Variants in COL13A1 observed in about 807,000 individuals in gnomAD.
COL13A1 encodes collagen type XIII alpha 1 chain.
COL13A1 carries 89 observed loss-of-function variants against 130.9 expected under a neutral mutation model. The observed-to-expected ratio is 0.68, with a 90% confidence interval of 0.57 to 0.81. The LOEUF is 0.81. Ranked by LOEUF, COL13A1 falls within the 30% of genes least tolerant of loss-of-function variation. The probability of loss-of-function intolerance (pLI) is 0.00; values close to 1 mark genes in which losing one functional copy is unlikely to be tolerated. For missense variants in COL13A1, 879 were observed against 934.6 expected (o/e 0.94, Z 0.78); for synonymous variants, 402 against 341.6 (o/e 1.18, Z -1.95).
intron 2 of COL13A1, among the ~76,000 whole-genome samples, chr10:69,830,804 C>T (rs1240973038): frequency 6.6e-6 from 1 of 152,158 alleles, no homozygotes; most frequent in Non-Finnish European, 1.5e-5. Flanking sequence ...TTCTTACATT[C>T]ACAGAGTTGT....
intron 7 of COL13A1, among the ~76,000 whole-genome samples, chr10:69,886,755 T>C (rs1208161802): frequency 1.3e-5 from 2 of 152,172 alleles, no homozygotes; most frequent in African/African-American, 2.4e-5. Flanking sequence ...TCACATCCCC[T>C]TTGTCCTGAA....
Position 69,904,923 on chromosome 10 carries a change from G to A in COL13A1, c.859-10G>A. 1 of 863,748 alleles carries A rather than the reference G, an allele frequency of 1.2e-6. No individual in the cohort carries two copies. 53.5% of individuals were successfully genotyped at this position (863,748 alleles called of 1,614,324 possible). ...CTTTTTTCTTTTTTTTTTTTTTTTT[G>A]CTTCCACAGGGCTTACCTGGGCCTC... On this transcript the variant is annotated splice_polypyrimidine_tract_variant and intron_variant, in intron 15 of 40. Coordinates refer to ENST00000645393, the MANE Select transcript of COL13A1 (RefSeq NM_001368882.1).
intron 17 of COL13A1, among the ~76,000 whole-genome samples, chr10:69,916,350 A>G (rs536467265): frequency 6.6e-6 from 1 of 152,320 alleles, no homozygotes; most frequent in Admixed American, 6.5e-5. Flanking sequence ...GGCTGGCTGC[A>G]GTCACCTGTT....
chr10:69,825,226 T>C (rs942666905), intron 2 of COL13A1, among the ~76,000 whole-genome samples: 10 of 152,242 alleles, frequency 6.6e-5, no homozygotes, highest in African/African-American at 2.4e-4. Context: ...CTGGAATGTC[T>C]GAACATCCTC....
At chr10:69,849,500 A>T (rs1286078920) in intron 2 of COL13A1, among the ~76,000 whole-genome samples, 1 of 151,714 alleles carries the variant, frequency 6.6e-6, no homozygotes, top group African/African-American at 2.4e-5. Context: ...GCACGTTTTT[A>T]TTTTTATTTA....
intron 32 of COL13A1, among the ~76,000 whole-genome samples, chr10:69,935,729 GCA>G (rs1211056538): frequency 6.6e-6 from 1 of 152,146 alleles, no homozygotes; most frequent in East Asian, 1.9e-4. Context: ...CACCGGTCTG[GCA>G]CAGTGGCTCA....
chr10:69,849,099 G>A (rs1853972980), intron 2 of COL13A1, among the ~76,000 whole-genome samples: 1 of 152,228 alleles, frequency 6.6e-6, no homozygotes, highest in Non-Finnish European at 1.5e-5. Flanking sequence ...AAAGAGAAGT[G>A]TTTAAACCAT....
rs759574742 is a variant in COL13A1 at position 69,894,667 on chromosome 10, C to A, written c.631-8C>A. On this transcript the variant is annotated splice_polypyrimidine_tract_variant and splice_region_variant and intron_variant, in intron 11 of 40. Transcript: ENST00000645393. ...GTTTCTAACTCTCTCATCTCCGTCT[C>A]TTTGTAGGGACCCCAGGGACAAAAA... The A allele has an allele frequency of 1.8e-5, 29 of 1,614,054 alleles. No individual in the cohort carries two copies. The highest frequency in any genetic ancestry group is 2.3e-5 in the Non-Finnish European group (27 of 1,179,898).
chr10:69,872,827 C>T (rs1018556180), intron 4 of COL13A1, among the ~76,000 whole-genome samples: 3 of 152,202 alleles, frequency 2.0e-5, no homozygotes, highest in Admixed American at 6.5e-5. Context: ...CTGTTTTATA[C>T]ATGAGAGTCA....
intron 1 of COL13A1, among the ~76,000 whole-genome samples, chr10:69,803,137 C>T (rs1840519812): frequency 6.6e-6 from 1 of 152,166 alleles, no homozygotes; most frequent in Non-Finnish European, 1.5e-5. Context: ...ACTGAGCCCC[C>T]ATGGCCCTCC....
intron 10 of COL13A1, among the ~76,000 whole-genome samples, chr10:69,892,167 G>A (rs1233146143): frequency 6.6e-6 from 1 of 152,200 alleles, no homozygotes; most frequent in African/African-American, 2.4e-5. Flanking sequence ...AGGCCACAGA[G>A]CATCTGATTC....
At chr10:69,830,188 G>A (rs1213789461) in intron 2 of COL13A1, among the ~76,000 whole-genome samples, 1 of 152,208 alleles carries the variant, frequency 6.6e-6, no homozygotes, top group African/African-American at 2.4e-5. Context: ...ATCTGGTAAA[G>A]TAAAGAATCG....
In COL13A1 at chr10:69,947,335, G is replaced by C. The variant is rs748436812; in HGVS notation, c.2051G>C (p.Gly684Ala). The C allele has an allele frequency of 1.2e-6, 2 of 1,612,708 alleles. No individual in the cohort carries two copies. The highest frequency in any genetic ancestry group is 1.7e-6 in the Non-Finnish European group (2 of 1,179,336). Residue 684 changes from glycine (G) to alanine (A), a missense_variant, in exon 38 of 41, where the codon GGA (glycine) becomes GCA (alanine). By Grantham distance (60) the Gly-to-Ala change is moderately conservative. This residue lies in a region of COL13A1 where 68 missense variants were observed against 65.8 expected (regional missense o/e 1.03). Coordinates refer to ENST00000645393, the MANE Select transcript of COL13A1 (RefSeq NM_001368882.1). ...TTACATGGACCACCCGGGGACAAGGGAAACCGGGTGAGTCTGAGCCCCTGC... is the reference window on the plus strand; with the variant it reads ...TTACATGGACCACCCGGGGACAAGGCAAACCGGGTGAGTCTGAGCCCCTGC... ...PGLHGPPGDK[G>A]NRGERGKKGS...
intron 4 of COL13A1, among the ~76,000 whole-genome samples, chr10:69,872,629 A>C (rs1202178965): frequency 2.0e-5 from 3 of 152,220 alleles, no homozygotes; most frequent in Non-Finnish European, 4.4e-5. Flanking sequence ...GCGGACTCAA[A>C]AACTTTGTTT....
At chr10:69,942,369 C>A (rs572933726) in intron 35 of COL13A1, among the ~76,000 whole-genome samples, 26 of 152,186 alleles carry the variant, frequency 1.7e-4, no homozygotes, top group Non-Finnish European at 2.8e-4. Flanking sequence ...ACAGTCCCTC[C>A]CTCTCCATCC....
At chr10:69,864,285 T>C (rs1191088455) in intron 2 of COL13A1, among the ~76,000 whole-genome samples, 2 of 150,770 alleles carry the variant, frequency 1.3e-5, no homozygotes, top group African/African-American at 2.4e-5. Context: ...ACTGTGTCTA[T>C]GTCTGCCGCA....
rs533306361 is a variant in COL13A1, at chr10:69,938,160, A to G, written c.1878+445A>G. 1.1e-3 allele frequency among the ~76,000 whole-genome samples: 173 copies of G among 152,296 alleles called. 1 individual carries two copies. The highest frequency in any genetic ancestry group is 3.8e-3 in the African/African-American group (159 of 41,570). ...TAAGCACTGGTCATTGCAGAAAGGCACAGACAAAGTCAGACTTTGTGGTCC... is the reference window on the plus strand; with the variant it reads ...TAAGCACTGGTCATTGCAGAAAGGCGCAGACAAAGTCAGACTTTGTGGTCC... On this transcript the variant is annotated intron_variant, in intron 34 of 40. Coordinates refer to ENST00000645393, the MANE Select transcript of COL13A1 (RefSeq NM_001368882.1).
At chr10:69,930,729 G>T (rs1347699870) in intron 30 of COL13A1, among the ~76,000 whole-genome samples, 177 bp downstream of exon 30, 5 of 152,170 alleles carry the variant, frequency 3.3e-5, no homozygotes, top group Non-Finnish European at 7.3e-5. Context: ...CTTTATGAAG[G>T]CCAGTTTCCC....
At position 69,813,324 on chromosome 10, in the gene COL13A1, C is replaced by T. The variant is rs1331578833; in HGVS notation, c.295-9045C>T. Among the ~76,000 whole-genome samples the T allele has an allele frequency of 2.0e-5, 3 of 152,174 alleles. 1 individual carries two copies. Among genetic ancestry groups the T allele is most frequent in the Admixed American group, 2.0e-4 (3 of 15,282 alleles). ...GTTCTGGGGCCCGGTTCCTTGACTCCTTGCGGCAGTAGCAGGGCCTTGGGT... is the reference window on the plus strand; with the variant it reads ...GTTCTGGGGCCCGGTTCCTTGACTCTTTGCGGCAGTAGCAGGGCCTTGGGT... On this transcript the variant is annotated intron_variant, in intron 1 of 40. Coordinates refer to ENST00000645393, the MANE Select transcript of COL13A1 (RefSeq NM_001368882.1).
Sources: gnomAD v4.1 joint callset for allele counts (sites outside exome capture counted in the v4.1 genomes callset) on GRCh38, gnomAD v4.1.1 for gene constraint, gnomAD v4.1.1 regional missense constraint, MANE v1.5 for transcripts, NCBI Gene and HGNC (gene_info 2026-07-23, HGNC 2026-07-21) for gene names.